Variants in UNC5D observed in about 807,000 individuals in gnomAD.
UNC5D encodes the protein unc-5 netrin receptor D, also known as netrin receptor UNC5D.
Under a neutral mutation model 105.4 loss-of-function variants are expected in UNC5D, and 39 were observed. The observed-to-expected ratio is 0.37, with a 90% confidence interval of 0.29 to 0.48. UNC5D has a LOEUF of 0.48. UNC5D is among the 20% of genes least tolerant of loss of function. UNC5D has a pLI of 0.98. For synonymous variants in UNC5D, 452 were observed against 450.4 expected, an observed-to-expected ratio of 1.00 and a Z score of -0.04; for missense variants, 991 against 1,202.4, an observed-to-expected ratio of 0.82 and a Z score of 2.60.
At chr8:35,315,756 G>T (rs1010973989) in intron 1 of UNC5D, among the ~76,000 whole-genome samples, 11 of 152,180 alleles carry the variant, frequency 7.2e-5, no homozygotes, top group Admixed American at 1.3e-4. Flanking sequence ...TGTATGGAGA[G>T]ATTTGTGAAC....
chr8:35,488,309 G>A (rs1447691253), intron 1 of UNC5D, among the ~76,000 whole-genome samples: 2 of 152,182 alleles, frequency 1.3e-5, no homozygotes, highest in African/African-American at 4.8e-5. Flanking sequence ...AGGAAGACTG[G>A]TAGATTTCTT....
chr8:35,791,620 G>A lies in UNC5D; in HGVS notation c.*1057G>A, dbSNP rs973381987. The A allele has an allele frequency of 6.6e-6, 1 of 152,094 alleles. No homozygotes were observed. Among genetic ancestry groups the A allele is most frequent in the African/African-American group, 2.4e-5 (1 of 41,424 alleles). The allele number at this position is 152,094 out of a possible 1,614,324, so 9.4% of individuals were successfully genotyped here. A position where few individuals can be genotyped will look rare whatever the true frequency, so the allele number is the denominator to read the frequency against. On this transcript the variant is annotated 3_prime_UTR_variant, in exon 17 of 17. Coordinates refer to ENST00000404895, the MANE Select transcript of UNC5D (RefSeq NM_080872.4). Reference sequence around the variant, plus strand: ...TGTCATCACAAAATCTCTCAGTAAGGCTATATGTGATCCTCATTTTGCCTC... The same window carrying A: ...TGTCATCACAAAATCTCTCAGTAAGACTATATGTGATCCTCATTTTGCCTC...
chr8:35,783,774 C>T (rs1463869168), intron 16 of UNC5D, among the ~76,000 whole-genome samples: 1 of 152,098 alleles, frequency 6.6e-6, no homozygotes, highest in Non-Finnish European at 1.5e-5. Context: ...GCCACTTTTC[C>T]TTTTCATAAA....
At chr8:35,518,507 T>A (rs1813258540) in intron 1 of UNC5D, among the ~76,000 whole-genome samples, 1 of 152,204 alleles carries the variant, frequency 6.6e-6, no homozygotes, top group Non-Finnish European at 1.5e-5. Context: ...GGTAGATAGA[T>A]CGATGGTCCC....
At chr8:35,782,156 G>A (rs906565677) in intron 16 of UNC5D, among the ~76,000 whole-genome samples, 6 of 152,174 alleles carry the variant, frequency 3.9e-5, no homozygotes, top group African/African-American at 1.4e-4. Flanking sequence ...AGGCTGCTTT[G>A]CTGTTTGTTG....
intron 1 of UNC5D, among the ~76,000 whole-genome samples, chr8:35,547,861 A>G (rs756996335): frequency 5.9e-5 from 9 of 152,136 alleles, no homozygotes; most frequent in Non-Finnish European, 1.2e-4. Context: ...CTTAATGAGT[A>G]TTGACTCACG....
rs552011610 is a variant in UNC5D at position 35,264,329 on chromosome 8, A to T, written c.103+28442A>T. ...CAGTCTATTGGGGTGCAGGAGCAAA[A>T]CGCCTTTTCATGTGAAATGTTTCAA... On this transcript the variant is annotated intron_variant, in intron 1 of 16. Coordinates refer to ENST00000404895, the MANE Select transcript of UNC5D (RefSeq NM_080872.4). 2.6e-5 allele frequency among the ~76,000 whole-genome samples: 4 copies of T among 152,134 alleles called. No homozygotes were observed. The South Asian group carries it at 8.3e-4, about 32-fold the overall frequency.
intron 4 of UNC5D, among the ~76,000 whole-genome samples, chr8:35,668,587 A>C (rs977656506): frequency 6.6e-6 from 1 of 151,940 alleles, no homozygotes; most frequent in African/African-American, 2.4e-5. Flanking sequence ...ATTATATTTT[A>C]ATATTTTATG....
chr8:35,238,799 G>T (rs1350585960), intron 1 of UNC5D, among the ~76,000 whole-genome samples: 1 of 152,144 alleles, frequency 6.6e-6, no homozygotes, highest in Non-Finnish European at 1.5e-5. Context: ...GGCAAGAGAA[G>T]TACACATTTA....
intron 1 of UNC5D, among the ~76,000 whole-genome samples, chr8:35,388,349 G>A (rs560578440): frequency 6.6e-6 from 1 of 151,964 alleles, no homozygotes; most frequent in Admixed American, 6.6e-5. Context: ...TGGGTGACGA[G>A]TGAAACCCCA....
intron 1 of UNC5D, among the ~76,000 whole-genome samples, chr8:35,538,825 A>G (rs1234675553): frequency 1.3e-5 from 2 of 152,124 alleles, no homozygotes; most frequent in African/African-American, 4.8e-5. Flanking sequence ...AGGCCAAAAA[A>G]CAGTCTTGGG....
At chr8:35,699,722 C>CTGG (rs1827049710) in intron 7 of UNC5D, among the ~76,000 whole-genome samples, 1 of 152,054 alleles carries the variant, frequency 6.6e-6, no homozygotes, top group Non-Finnish European at 1.5e-5. Flanking sequence ...GGCTGGGAAG[C>CTGG]TGGGGGGAGT....
rs1159501600 is a variant in UNC5D, at chr8:35,733,477, G to A, written c.1766+2381G>A. Among the ~76,000 whole-genome samples, 6 of 152,186 alleles carry A rather than the reference G, an allele frequency of 3.9e-5. No homozygotes were observed. In the East Asian group the frequency reaches 9.7e-4, roughly 24 times the overall value. ...GCTGAGAAGAAGGCCCGTTTTCCTC[G>A]AAGTTCATGGAGCTGGAATGCACTG... On this transcript the variant is annotated intron_variant, in intron 11 of 16. Coordinates refer to ENST00000404895, the MANE Select transcript of UNC5D (RefSeq NM_080872.4).
chr8:35,303,610 G>C (rs1808124029), intron 1 of UNC5D, among the ~76,000 whole-genome samples: 1 of 152,168 alleles, frequency 6.6e-6, no homozygotes, highest in South Asian at 2.1e-4. Context: ...AAGTTGTGTA[G>C]TAATGAGAGT....
intron 4 of UNC5D, among the ~76,000 whole-genome samples, chr8:35,664,016 T>C (rs1824272425): frequency 6.6e-6 from 1 of 152,176 alleles, no homozygotes. Context: ...AGTCCTATCT[T>C]GCATCCAGAA....
intron 1 of UNC5D, among the ~76,000 whole-genome samples, chr8:35,385,858 A>G (rs1038861879): frequency 2.0e-5 from 3 of 152,174 alleles, no homozygotes; most frequent in African/African-American, 7.2e-5. Flanking sequence ...TCTTCTTTCT[A>G]GTTGAAATTG....
chr8:35,331,390 C>G (rs935923917), intron 1 of UNC5D, among the ~76,000 whole-genome samples: 9 of 152,174 alleles, frequency 5.9e-5, no homozygotes, highest in African/African-American at 2.2e-4. Flanking sequence ...TTCTTTGCTC[C>G]CTGAATATGG....
At chr8:35,581,022 G>C (rs540573577) in intron 3 of UNC5D, among the ~76,000 whole-genome samples, 2 of 152,264 alleles carry the variant, frequency 1.3e-5, no homozygotes, top group South Asian at 4.1e-4. Flanking sequence ...AGTGACTCCT[G>C]ATACCGGCCA....
intron 1 of UNC5D, among the ~76,000 whole-genome samples, chr8:35,313,748 C>T (rs755756615): frequency 1.6e-4 from 25 of 152,112 alleles, no homozygotes; most frequent in Admixed American, 7.2e-4. Flanking sequence ...CCTTTAATAC[C>T]GTACCGCAGC....
Sources: gnomAD v4.1 joint callset for allele counts (sites outside exome capture counted in the v4.1 genomes callset) on GRCh38, gnomAD v4.1.1 for gene constraint, MANE v1.5 for transcripts, NCBI Gene and HGNC (gene_info 2026-07-23, HGNC 2026-07-21) for gene names.